RPA3: variants seen among roughly 807,000 people sequenced by gnomAD.
RPA3 encodes replication protein A3.
A neutral mutation model predicts 13.7 loss-of-function variants in RPA3; 24 were observed. The ratio of observed to expected loss-of-function variants is 1.75; its 90% CI spans 1.27 to 2.46. The LOEUF (loss-of-function observed/expected upper bound fraction) is 2.46, where lower values mean the gene tolerates loss of function less well. Among genes scored for constraint, RPA3 ranks in the 30% most tolerant of loss-of-function variants. The pLI is 0.00. For missense variants in RPA3, 183 were observed against 151.0 expected (o/e 1.21, Z -1.11); for synonymous variants, 59 against 51.2 (o/e 1.15, Z -0.65).
intron 2 of RPA3, among the ~76,000 whole-genome samples, chr7:7,693,056 A>T (rs1780213299): frequency 6.6e-6 from 1 of 150,404 alleles, no homozygotes; most frequent in Non-Finnish European, 1.5e-5. Context: ...TTGATTACTT[A>T]TATCTACTTC....
intron 7 of RPA3, among the ~76,000 whole-genome samples, chr7:7,637,536 A>G (rs565262571): frequency 1.3e-5 from 2 of 152,246 alleles, no homozygotes; most frequent in African/African-American, 2.4e-5. Flanking sequence ...ATGTGGCAGT[A>G]CTAAAACTCT....
At chr7:7,697,186 A>G (rs954564611) in intron 2 of RPA3, among the ~76,000 whole-genome samples, 2 of 152,186 alleles carry the variant, frequency 1.3e-5, no homozygotes, top group African/African-American at 2.4e-5. Context: ...TCTTGATGGA[A>G]TGTGTACCTG....
intron 4 of RPA3, among the ~76,000 whole-genome samples, chr7:7,661,655 T>A (rs994949466): frequency 6.6e-6 from 1 of 152,178 alleles, no homozygotes; most frequent in Non-Finnish European, 1.5e-5. Context: ...CAGCAAAGAT[T>A]GTTGCCCGTT....
chr7:7,657,540 G>C (rs2057404738), intron 4 of RPA3, among the ~76,000 whole-genome samples: 1 of 152,110 alleles, frequency 6.6e-6, no homozygotes, highest in Admixed American at 6.6e-5. Flanking sequence ...TGGCTAGTCA[G>C]TTTTCCCAAC....
chr7:7,659,352 G>C (rs1785419931), intron 4 of RPA3, among the ~76,000 whole-genome samples: 1 of 151,934 alleles, frequency 6.6e-6, no homozygotes, highest in South Asian at 2.1e-4. Context: ...GCTAGCTTTT[G>C]AATTTGTTTG....
At chr7:7,689,189 T>C (rs7789164) in intron 2 of RPA3, 24,743 of 152,116 alleles carry the variant, frequency 0.16, 2,473 homozygotes, top group Middle Eastern at 0.25. Context: ...ACCCATCACA[T>C]TTCTGACTGC....
chr7:7,708,909 GTGTT>G, intron 2 of RPA3, among the ~76,000 whole-genome samples: 1 of 152,044 alleles, frequency 6.6e-6, no homozygotes, highest in East Asian at 1.9e-4. Context: ...CAAGGGGTGT[GTGTT>G]TGTGTTTGTG....
chr7:7,660,942 C>T (rs1394618373), intron 4 of RPA3, among the ~76,000 whole-genome samples: 1 of 152,184 alleles, frequency 6.6e-6, no homozygotes. Context: ...GTACGCCAAT[C>T]AAATGTAGAT....
chr7:7,652,548 G>A (rs896912966), intron 4 of RPA3, among the ~76,000 whole-genome samples: 7 of 152,220 alleles, frequency 4.6e-5, no homozygotes, highest in African/African-American at 1.7e-4. Flanking sequence ...GTTTTATACA[G>A]GACTTAGCAC....
chr7:7,641,891 T>C (rs1784981816), intron 4 of RPA3, among the ~76,000 whole-genome samples: 1 of 152,194 alleles, frequency 6.6e-6, no homozygotes, highest in Admixed American at 6.5e-5. Context: ...AATGATAGTC[T>C]CCCTTAGTGT....
At chr7:7,672,657 C>G (rs751136393) in intron 4 of RPA3, among the ~76,000 whole-genome samples, 3 of 152,170 alleles carry the variant, frequency 2.0e-5, no homozygotes, top group Non-Finnish European at 2.9e-5. Flanking sequence ...CACTCATTCT[C>G]TCCCTGTCGT....
Position 7,637,062 on chromosome 7 carries a change from C to G in RPA3, c.304G>C (p.Ala102Pro). 1 of 1,611,738 alleles carries G rather than the reference C, an allele frequency of 6.2e-7. No individual in the cohort carries two copies. The highest frequency in any genetic ancestry group is 8.5e-7 in the Non-Finnish European group (1 of 1,178,072). ...HPFDLGLYNE[A>P]VKIIHDFPQF... ...GGGAAGTCATGGATAATTTTCACAGCTTCATTGTAAAGTCCAAGATCTGAA... is the reference window on the plus strand; with the variant it reads ...GGGAAGTCATGGATAATTTTCACAGGTTCATTGTAAAGTCCAAGATCTGAA... The change falls in exon 8 of 8, where the codon GCT becomes CCT. Residue 102 changes from alanine to proline, a missense_variant. Physicochemically the swap from Ala to Pro is conservative, Grantham distance 27 (BLOSUM62 -1). Coordinates refer to ENST00000223129, the MANE Select transcript of RPA3 (RefSeq NM_002947.5).
intron 4 of RPA3, among the ~76,000 whole-genome samples, chr7:7,680,346 T>G (rs976742977): frequency 6.6e-6 from 1 of 152,172 alleles, no homozygotes; most frequent in Non-Finnish European, 1.5e-5. Flanking sequence ...ATGAGTTCAT[T>G]GTAAATGTGT....
At chr7:7,671,297 C>T (rs1563105861) in intron 4 of RPA3, among the ~76,000 whole-genome samples, 1 of 152,178 alleles carries the variant, frequency 6.6e-6, no homozygotes, top group African/African-American at 2.4e-5. Context: ...GCATGCCCCC[C>T]TCTTCTCTTT....
chr7:7,675,757 A>G (rs1008444151), intron 4 of RPA3, among the ~76,000 whole-genome samples: 84 of 152,186 alleles, frequency 5.5e-4, no homozygotes, highest in Admixed American at 4.1e-3. Flanking sequence ...ATGGTGAGGA[A>G]TCACTTCCGT....
intron 1 of RPA3, among the ~76,000 whole-genome samples, chr7:7,717,064 T>C (rs1484099133): frequency 6.8e-6 from 1 of 146,688 alleles, no homozygotes; most frequent in African/African-American, 2.7e-5. Context: ...TTTTTTCTTT[T>C]TTTTTTTTTT....
chr7:7,671,125 T>C (rs1036731441), intron 4 of RPA3, among the ~76,000 whole-genome samples: 5 of 152,226 alleles, frequency 3.3e-5, no homozygotes, highest in Admixed American at 6.5e-5. Flanking sequence ...ATATTACTCT[T>C]TGAATTGAGA....
At chr7:7,662,080 G>C (rs1357282587) in intron 4 of RPA3, among the ~76,000 whole-genome samples, 1 of 152,172 alleles carries the variant, frequency 6.6e-6, no homozygotes, top group Admixed American at 6.5e-5. Flanking sequence ...TGCCCAGTTG[G>C]ATCTTTCCCG....
At chr7:7,661,059 A>C (rs1197971816) in intron 4 of RPA3, among the ~76,000 whole-genome samples, 1 of 151,336 alleles carries the variant, frequency 6.6e-6, no homozygotes, top group Non-Finnish European at 1.5e-5. Context: ...TTATTTCATT[A>C]AGTTGATCTT....
Sources: gnomAD v4.1 joint callset for allele counts (sites outside exome capture counted in the v4.1 genomes callset) on GRCh38, gnomAD v4.1.1 for gene constraint, MANE v1.5 for transcripts, NCBI Gene and HGNC (gene_info 2026-07-23, HGNC 2026-07-21) for gene names.